The following CACNA2D3 variants were observed in gnomAD, a reference collection of about 807,000 sequenced individuals.
CACNA2D3 encodes calcium voltage-gated channel auxiliary subunit alpha2delta 3.
CACNA2D3 carries 60 observed loss-of-function variants against 160.6 expected under a neutral mutation model. That is an observed-to-expected ratio of 0.37 (90% CI 0.30 to 0.46). The LOEUF is 0.46. Among genes scored for constraint, CACNA2D3 ranks in the 20% least tolerant of loss-of-function variants. The pLI, the probability that CACNA2D3 is intolerant of heterozygous loss-of-function variation, is 1.00. For synonymous variants in CACNA2D3, 558 were observed against 492.9 expected, an observed-to-expected ratio of 1.13 and a Z score of -1.75; for missense variants, 1,205 against 1,365.0, an observed-to-expected ratio of 0.88 and a Z score of 1.85.
At chr3:54,598,116 A>C (rs570359021) in intron 9 of CACNA2D3, among the ~76,000 whole-genome samples, 5 of 150,922 alleles carry the variant, frequency 3.3e-5, no homozygotes, top group Admixed American at 6.7e-5. Flanking sequence ...ATGGTGAAAC[A>C]CTATCTCTAC....
At chr3:54,285,734 T>C (rs1349716282) in intron 2 of CACNA2D3, among the ~76,000 whole-genome samples, 3 of 152,036 alleles carry the variant, frequency 2.0e-5, no homozygotes, top group Non-Finnish European at 4.4e-5. Flanking sequence ...AGACAAAACT[T>C]CCAGAGGAAG....
intron 5 of CACNA2D3, among the ~76,000 whole-genome samples, chr3:54,549,083 G>A (rs1354786109): frequency 2.0e-5 from 3 of 152,186 alleles, no homozygotes; most frequent in African/African-American, 4.8e-5. Context: ...GCTCATGGTT[G>A]CATATTGTCT....
intron 11 of CACNA2D3, among the ~76,000 whole-genome samples, chr3:54,741,662 G>A (rs1355693275): frequency 6.6e-6 from 1 of 151,948 alleles, no homozygotes; most frequent in Admixed American, 6.6e-5. Flanking sequence ...TTGTAAATTA[G>A]GGATCCATGT....
intron 9 of CACNA2D3, among the ~76,000 whole-genome samples, chr3:54,600,983 GC>G (rs1323778212): frequency 6.6e-6 from 1 of 152,098 alleles, no homozygotes; most frequent in Non-Finnish European, 1.5e-5. Context: ...CAGATCATGT[GC>G]CCAAAGTCTT....
chr3:54,675,152 C>T (rs1700217906), intron 11 of CACNA2D3, among the ~76,000 whole-genome samples: 1 of 152,236 alleles, frequency 6.6e-6, no homozygotes, highest in African/African-American at 2.4e-5. Flanking sequence ...AGAAGATACT[C>T]CCTTGAATTT....
At chr3:54,712,940 T>A (rs755158031) in intron 11 of CACNA2D3, among the ~76,000 whole-genome samples, 16 of 152,170 alleles carry the variant, frequency 1.1e-4, no homozygotes, top group Middle Eastern at 3.2e-3. Flanking sequence ...TTAATTCCCC[T>A]TTGTCATATA....
At chr3:54,566,329 T>G (rs1281967221) in intron 6 of CACNA2D3, among the ~76,000 whole-genome samples, 1 of 152,212 alleles carries the variant, frequency 6.6e-6, no homozygotes, top group Non-Finnish European at 1.5e-5. Flanking sequence ...TATGACCATC[T>G]CATCTAATGA....
chr3:54,720,448 C>T (rs1422711257), intron 11 of CACNA2D3, among the ~76,000 whole-genome samples: 1 of 152,016 alleles, frequency 6.6e-6, no homozygotes, highest in East Asian at 1.9e-4. Context: ...ATTCCACTGA[C>T]ATGTTGAATA....
intron 2 of CACNA2D3, among the ~76,000 whole-genome samples, chr3:54,295,911 G>T (rs111514465): frequency 0.011 from 1,724 of 152,230 alleles, 26 homozygotes; most frequent in East Asian, 0.063. Flanking sequence ...GTGATTTTGG[G>T]GTCCTAAGAT....
At chr3:54,520,397 C>T (rs1006374806) in intron 5 of CACNA2D3, among the ~76,000 whole-genome samples, 1 of 152,174 alleles carries the variant, frequency 6.6e-6, no homozygotes, top group Non-Finnish European at 1.5e-5. Context: ...GGATGATGCT[C>T]AGTGTATTTG....
intron 5 of CACNA2D3, among the ~76,000 whole-genome samples, chr3:54,535,198 A>T (rs939272607): frequency 6.6e-6 from 1 of 152,230 alleles, no homozygotes; most frequent in African/African-American, 2.4e-5. Context: ...GAAATGAAAA[A>T]TTCTGGGTCC....
At chr3:54,464,761 C>T (rs565958134) in intron 4 of CACNA2D3, among the ~76,000 whole-genome samples, 44 of 152,322 alleles carry the variant, frequency 2.9e-4, no homozygotes, top group East Asian at 3.9e-4. Flanking sequence ...CTTCGGCTAG[C>T]GCACGGTGCG....
At chr3:54,735,993 ACATATATATATATG>A in intron 11 of CACNA2D3, among the ~76,000 whole-genome samples, 1 of 91,380 alleles carries the variant, frequency 1.1e-5, no homozygotes, top group Non-Finnish European at 2.5e-5. Context: ...ATATATATAT[ACATATATATATATG>A]TATATATATA....
intron 11 of CACNA2D3, among the ~76,000 whole-genome samples, chr3:54,695,577 TC>T (rs771953248): frequency 1.1e-4 from 17 of 152,276 alleles, no homozygotes; most frequent in African/African-American, 3.8e-4. Flanking sequence ...AGTGCTCTCT[TC>T]CCCTTACCTG....
chr3:54,643,244 T>C (rs1699563038), intron 11 of CACNA2D3, among the ~76,000 whole-genome samples: 1 of 152,146 alleles, frequency 6.6e-6, no homozygotes, highest in Admixed American at 6.5e-5. Context: ...AAATGACAGC[T>C]GTGTCCTCAA....
chr3:54,164,959 G>T (rs111653643), intron 2 of CACNA2D3, among the ~76,000 whole-genome samples: 2,362 of 152,272 alleles, frequency 0.016, 20 homozygotes, highest in Non-Finnish European at 0.022. Context: ...CCATGCTAGG[G>T]GGATCAGTAA....
intron 3 of CACNA2D3, among the ~76,000 whole-genome samples, chr3:54,332,577 A>G (rs111769146): frequency 2.0e-5 from 3 of 152,214 alleles, no homozygotes; most frequent in Non-Finnish European, 4.4e-5. Flanking sequence ...ACAGCTGAGA[A>G]TTGGACTGGG....
chr3:54,451,229 CTTTTTTTTTTTT>C (rs71074970), intron 4 of CACNA2D3, among the ~76,000 whole-genome samples: 83 of 51,758 alleles, frequency 1.6e-3, no homozygotes, highest in African/African-American at 5.8e-3. Flanking sequence ...ATATAATAAT[CTTTTTTTTTTTT>C]TTTTTTTTTT....
chr3:54,920,999 C>T (rs894529930), intron 27 of CACNA2D3, among the ~76,000 whole-genome samples: 2 of 152,194 alleles, frequency 1.3e-5, no homozygotes, highest in African/African-American at 2.4e-5. Context: ...TCTGTGGTCT[C>T]CTGTGCAGGT....
Sources: allele counts gnomAD v4.1 joint callset (sites outside exome capture counted in the v4.1 genomes callset), GRCh38; gene constraint gnomAD v4.1.1; transcripts MANE v1.5; gene names NCBI Gene and HGNC (gene_info 2026-07-23, HGNC 2026-07-21).